The following WWOX variants were observed in gnomAD, a reference collection of about 807,000 sequenced individuals.
WWOX encodes WW domain-containing oxidoreductase.
A neutral mutation model predicts 46.2 loss-of-function variants in WWOX; 69 were observed. The ratio of observed to expected loss-of-function variants is 1.49; its 90% CI spans 1.23 to 1.82. The LOEUF is 1.82. Among genes scored for constraint, WWOX ranks in the 40% most tolerant of loss-of-function variants. The pLI is 0.00. For missense variants in WWOX, 919 were observed against 542.6 expected (o/e 1.69, Z -6.89); for synonymous variants, 359 against 202.6 (o/e 1.77, Z -6.56).
intron 8 of WWOX, among the ~76,000 whole-genome samples, chr16:78,907,054 G>T (rs1211695579): frequency 6.6e-6 from 1 of 152,176 alleles, no homozygotes; most frequent in African/African-American, 2.4e-5. Context: ...AATGTTGGTA[G>T]AGCCAGCTAA....
At chr16:78,956,697 C>T (rs1170156074) in intron 8 of WWOX, among the ~76,000 whole-genome samples, 1 of 152,150 alleles carries the variant, frequency 6.6e-6, no homozygotes, top group Non-Finnish European at 1.5e-5. Flanking sequence ...TTTGTGCACA[C>T]ATCAAAAATT....
At chr16:78,236,136 C>T (rs184903170) in intron 5 of WWOX, among the ~76,000 whole-genome samples, 1 of 152,200 alleles carries the variant, frequency 6.6e-6, no homozygotes, top group Non-Finnish European at 1.5e-5. Context: ...CTCTGGTGTT[C>T]AGATCACAGA....
Position 78,441,764 on chromosome 16 carries a change from G to T in WWOX, c.1056+9012G>T, listed in dbSNP as rs575534605. 2.0e-5 allele frequency among the ~76,000 whole-genome samples: 3 copies of T among 152,166 alleles called. No homozygotes were observed. The South Asian group carries it at 6.2e-4, about 32-fold the overall frequency. On this transcript the variant is annotated intron_variant, in intron 8 of 8. Transcript: ENST00000566780. ...AGAATTAAAGACGTTATGAACTTAAGGCCTCTACAGTGTGCTAGATGCTTA... is the reference window on the plus strand; with the variant it reads ...AGAATTAAAGACGTTATGAACTTAATGCCTCTACAGTGTGCTAGATGCTTA...
chr16:79,109,191 G>A (rs1401520854), intron 8 of WWOX, among the ~76,000 whole-genome samples: 2 of 152,180 alleles, frequency 1.3e-5, no homozygotes, highest in East Asian at 3.9e-4. Flanking sequence ...TGTGTAAACT[G>A]TACTAAGCCG....
rs377389051 is a variant in WWOX at position 78,336,954 on chromosome 16, A to AT, written c.517-49900dup. On this transcript the variant is annotated intron_variant, in intron 5 of 8. Coordinates refer to ENST00000566780, the MANE Select transcript of WWOX (RefSeq NM_016373.4). ...CCACCATGCCCGGCTAATTTTTTGT[A>AT]TTTTTTAGTACAGACGGGGTTTCAG... Among the ~76,000 whole-genome samples the AT allele has an allele frequency of 4.5e-3, 676 of 151,710 alleles. 2 individuals carry two copies. The highest frequency in any genetic ancestry group is 0.016 in the African/African-American group (650 of 41,394).
chr16:78,159,672 GTTT>G (rs35468343), intron 4 of WWOX, among the ~76,000 whole-genome samples: 155 of 55,370 alleles, frequency 2.8e-3, no homozygotes, highest in African/African-American at 9.1e-3. Flanking sequence ...AAAATCTGTG[GTTT>G]TTTTTTTTTT....
intron 5 of WWOX, among the ~76,000 whole-genome samples, chr16:78,182,526 C>T (rs1462111656): frequency 6.6e-6 from 1 of 151,996 alleles, no homozygotes; most frequent in Non-Finnish European, 1.5e-5. Context: ...GTATCTTTCC[C>T]ACAAAGCTTT....
intron 8 of WWOX, among the ~76,000 whole-genome samples, chr16:79,124,315 T>C (rs1172505461): frequency 6.6e-6 from 1 of 151,242 alleles, no homozygotes; most frequent in Admixed American, 6.6e-5. Context: ...GCATTTCCAA[T>C]GGTGACGGGG....
intron 8 of WWOX, among the ~76,000 whole-genome samples, chr16:78,794,077 G>A (rs1244407424): frequency 6.6e-6 from 1 of 152,116 alleles, no homozygotes; most frequent in African/African-American, 2.4e-5. Flanking sequence ...GCATTCATTT[G>A]TTAGGAGATG....
At chr16:78,547,940 T>G (rs1385880516) in intron 8 of WWOX, among the ~76,000 whole-genome samples, 1 of 151,932 alleles carries the variant, frequency 6.6e-6, no homozygotes, top group African/African-American at 2.4e-5. Context: ...TCACTTGAGG[T>G]CAGGAGTTCG....
chr16:78,364,857 C>T (rs149876176), intron 5 of WWOX, among the ~76,000 whole-genome samples: 9 of 152,274 alleles, frequency 5.9e-5, no homozygotes, highest in Non-Finnish European at 1.0e-4. Context: ...TTCCTACATG[C>T]AGTCGTTTTG....
At chr16:79,096,167 C>G (rs1190586412) in intron 8 of WWOX, among the ~76,000 whole-genome samples, 1 of 151,944 alleles carries the variant, frequency 6.6e-6, no homozygotes, top group Non-Finnish European at 1.5e-5. Context: ...AGAGCCTGAC[C>G]ACAGTCCTTT....
At chr16:78,869,445 G>C (rs1180656230) in intron 8 of WWOX, among the ~76,000 whole-genome samples, 1 of 152,192 alleles carries the variant, frequency 6.6e-6, no homozygotes, top group Non-Finnish European at 1.5e-5. Flanking sequence ...ACCAACACAA[G>C]TTTATACGCA....
intron 7 of WWOX, among the ~76,000 whole-genome samples, chr16:78,428,344 T>C (rs911275238): frequency 1.3e-5 from 2 of 152,218 alleles, no homozygotes; most frequent in East Asian, 3.9e-4. Flanking sequence ...CGTTTCTGGC[T>C]CAGACAGATA....
At chr16:78,487,004 C>A (rs1350631773) in intron 8 of WWOX, among the ~76,000 whole-genome samples, 1 of 152,186 alleles carries the variant, frequency 6.6e-6, no homozygotes, top group South Asian at 2.1e-4. Flanking sequence ...TCGCATCCTG[C>A]TAAGTGTCCT....
chr16:78,862,998 TGC>T, intron 8 of WWOX, among the ~76,000 whole-genome samples: 1 of 151,078 alleles, frequency 6.6e-6, no homozygotes, highest in African/African-American at 2.4e-5. Flanking sequence ...CTTGCTCTGT[TGC>T]CAGGGTGGAG....
intron 8 of WWOX, among the ~76,000 whole-genome samples, chr16:78,652,424 A>AAAAAAAAG (rs1567465464): frequency 8.1e-5 from 12 of 148,712 alleles, no homozygotes; most frequent in Non-Finnish European, 8.9e-5. Flanking sequence ...AAAAAAAAAA[A>AAAAAAAAG]AAAAAAAGAA....
chr16:78,191,371 G>A (rs948676330), intron 5 of WWOX, among the ~76,000 whole-genome samples: 1 of 152,122 alleles, frequency 6.6e-6, no homozygotes, highest in African/African-American at 2.4e-5. Flanking sequence ...TTTGATCATA[G>A]GTAGGAAAGG....
chr16:79,174,990 C>A (rs189735249), intron 8 of WWOX, among the ~76,000 whole-genome samples: 1 of 152,112 alleles, frequency 6.6e-6, no homozygotes, highest in Non-Finnish European at 1.5e-5. Flanking sequence ...AACATGCACG[C>A]GTTCTCTCCC....
Sources: gnomAD v4.1 joint callset for allele counts (sites outside exome capture counted in the v4.1 genomes callset) on GRCh38, gnomAD v4.1.1 for gene constraint, MANE v1.5 for transcripts, NCBI Gene and HGNC (gene_info 2026-07-23, HGNC 2026-07-21) for gene names.